ERG: variants seen among roughly 807,000 people sequenced by gnomAD.
ERG encodes transcriptional regulator ERG.
Under a neutral mutation model 55.3 loss-of-function variants are expected in ERG, and 9 were observed. The ratio of observed to expected loss-of-function variants is 0.16; its 90% CI spans 0.10 to 0.28. The LOEUF (loss-of-function observed/expected upper bound fraction) is 0.28, where lower values mean the gene tolerates loss of function less well. Ranked by LOEUF, ERG falls within the 10% of genes least tolerant of loss-of-function variation. ERG has a pLI of 1.00. For synonymous variants in ERG, 223 were observed against 237.3 expected, an observed-to-expected ratio of 0.94 and a Z score of 0.55; for missense variants, 434 against 631.6, an observed-to-expected ratio of 0.69 and a Z score of 3.35.
chr21:38,527,454 G>A (rs997140615), intron 2 of ERG, among the ~76,000 whole-genome samples: 5 of 152,196 alleles, frequency 3.3e-5, no homozygotes, highest in African/African-American at 1.2e-4. Context: ...CTTAGTGAAC[G>A]CTGAGGAATG....
At chr21:38,601,714 T>A (rs554921823) in intron 1 of ERG, among the ~76,000 whole-genome samples, 2 of 152,288 alleles carry the variant, frequency 1.3e-5, no homozygotes, top group African/African-American at 4.8e-5. Context: ...ACTATCTTGA[T>A]TTAAGTAGAG....
intron 3 of ERG, among the ~76,000 whole-genome samples, chr21:38,420,875 C>T (rs1989511737): frequency 6.6e-6 from 1 of 152,116 alleles, no homozygotes; most frequent in Non-Finnish European, 1.5e-5. Flanking sequence ...TGGATTCTCT[C>T]ATCTTTGAGA....
chr21:38,475,344 T>C (rs928233660), intron 1 of ERG, among the ~76,000 whole-genome samples: 1 of 152,112 alleles, frequency 6.6e-6, no homozygotes. Flanking sequence ...TAGCAACCCA[T>C]GACCAAGATG....
intron 3 of ERG, among the ~76,000 whole-genome samples, chr21:38,409,710 A>T (rs1386671688): frequency 6.6e-6 from 1 of 152,174 alleles, no homozygotes; most frequent in Admixed American, 6.5e-5. Flanking sequence ...TGTTTAAGAA[A>T]AAGGGAGAAA....
At chr21:38,474,741 T>G (rs2059171796) in intron 1 of ERG, among the ~76,000 whole-genome samples, 1 of 152,138 alleles carries the variant, frequency 6.6e-6, no homozygotes, top group African/African-American at 2.4e-5. Context: ...ATTTTTTTTT[T>G]TTTGTCTGTT....
At chr21:38,649,391 G>C (rs1046224767) in intron 1 of ERG, among the ~76,000 whole-genome samples, 2 of 152,128 alleles carry the variant, frequency 1.3e-5, no homozygotes, top group Admixed American at 1.3e-4. Flanking sequence ...ACCCTTCCCT[G>C]CGAGCCACAT....
intron 2 of ERG, among the ~76,000 whole-genome samples, chr21:38,545,389 C>G (rs372319096): frequency 6.6e-6 from 1 of 152,172 alleles, no homozygotes; most frequent in Non-Finnish European, 1.5e-5. Flanking sequence ...CCTTTAGCAA[C>G]GTAGGGTTGA....
intron 1 of ERG, among the ~76,000 whole-genome samples, chr21:38,461,270 T>A (rs1024170632): frequency 2.6e-5 from 4 of 152,140 alleles, no homozygotes; most frequent in Admixed American, 2.6e-4. Context: ...CCTCCCTCTA[T>A]GCATGCCTGT....
intron 1 of ERG, among the ~76,000 whole-genome samples, chr21:38,623,057 A>G (rs946541592): frequency 9.4e-6 from 1 of 106,384 alleles, no homozygotes; most frequent in Non-Finnish European, 2.1e-5. Flanking sequence ...ACACACACAC[A>G]TCATACATAA....
Position 38,381,652 on chromosome 21 carries a change from A to G in ERG, c.*1751T>C. On this transcript the variant is annotated 3_prime_UTR_variant, in exon 10 of 10. Coordinates refer to ENST00000288319, the MANE Select transcript of ERG (RefSeq NM_182918.4). The stretch of plus-strand genomic sequence containing the variant: ...TTGCCTTACGAGTGGTAGCTTGTTC[A>G]CTGTTCAACAAATGTATTTTAATCA... The G allele has an allele frequency of 9.4e-7, 1 of 1,063,472 alleles. No homozygotes were observed. Among genetic ancestry groups the G allele is most frequent in the Non-Finnish European group, 1.1e-6 (1 of 878,188 alleles). The allele number at this position is 1,063,472 out of a possible 1,614,324, so 65.9% of individuals were successfully genotyped here.
chr21:38,576,691 C>T (rs892262268), intron 1 of ERG, among the ~76,000 whole-genome samples: 1 of 152,152 alleles, frequency 6.6e-6, no homozygotes, highest in African/African-American at 2.4e-5. Flanking sequence ...CAGATGGGCT[C>T]AGCAGGGTGC....
intron 2 of ERG, among the ~76,000 whole-genome samples, chr21:38,552,271 C>G (rs184122527): frequency 6.6e-6 from 1 of 152,156 alleles, no homozygotes; most frequent in Non-Finnish European, 1.5e-5. Flanking sequence ...AGAGCTACTA[C>G]CAATCCTACT....
At chr21:38,497,889 T>TG (rs1356782450) in intron 1 of ERG, among the ~76,000 whole-genome samples, 1 of 152,198 alleles carries the variant, frequency 6.6e-6, no homozygotes, top group African/African-American at 2.4e-5. Context: ...AGCAGCCACT[T>TG]GCCGAGTATC....
chr21:38,603,179 CCT>C (rs1212908226), intron 1 of ERG, among the ~76,000 whole-genome samples: 2 of 152,000 alleles, frequency 1.3e-5, no homozygotes, highest in African/African-American at 4.8e-5. Flanking sequence ...CCTAAAGACA[CCT>C]CTGCCACATG....
At chr21:38,571,937 C>A (rs1000205541) in intron 2 of ERG, among the ~76,000 whole-genome samples, 53 of 152,302 alleles carry the variant, frequency 3.5e-4, no homozygotes, top group African/African-American at 1.2e-3. Flanking sequence ...AGTGTTAAGC[C>A]ACTTCTGTGG....
At chr21:38,595,607 C>T (rs185233815) in intron 1 of ERG, among the ~76,000 whole-genome samples, 173 of 152,210 alleles carry the variant, frequency 1.1e-3, no homozygotes, top group African/African-American at 2.8e-3. Flanking sequence ...AGAAGCAGGG[C>T]GGGAGCGGTG....
chr21:38,526,488 G>A (rs763424398), intron 2 of ERG, among the ~76,000 whole-genome samples: 1 of 152,164 alleles, frequency 6.6e-6, no homozygotes, highest in African/African-American at 2.4e-5. Flanking sequence ...GATAGAGAAC[G>A]ATACTCATGA....
In ERG at chr21:38,383,567, G is replaced by C. The variant is rs1987547150; in HGVS notation, c.1276C>G (p.Gln426Glu). 1.9e-6 allele frequency: 3 copies of C among 1,600,942 alleles called. No individual in the cohort carries two copies. The highest frequency in any genetic ancestry group is 2.6e-6 in the Non-Finnish European group (3 of 1,170,442). Reference protein sequence around the residue: ...PYMGSYHAHPQKMNFVAPHPP... With the variant: ...PYMGSYHAHPEKMNFVAPHPP... ...TGGGGCGCCACAAAGTTCATCTTCT[G>C]TGGGTGGGCGTGATAGGAGCCCATG... The change falls in exon 10 of 10, where the codon CAG becomes GAG. Residue 426 changes from glutamine (Q) to glutamate (E), a missense_variant. Physicochemically the swap from Gln to Glu is conservative, Grantham distance 29. Coordinates refer to ENST00000288319, the MANE Select transcript of ERG (RefSeq NM_182918.4). This position sits in a 1 kb window ranked among gnomAD's most constrained non-coding sequence, Gnocchi z 5.7.
At chr21:38,436,020 C>CTTTT (rs11384369) in intron 2 of ERG, among the ~76,000 whole-genome samples, 2 of 133,330 alleles carry the variant, frequency 1.5e-5, no homozygotes, top group African/African-American at 5.6e-5. Context: ...TTCTTTTTTT[C>CTTTT]TTTTTTTTTT....
Sources: gnomAD v4.1 joint callset for allele counts (sites outside exome capture counted in the v4.1 genomes callset) on GRCh38, gnomAD v4.1.1 for gene constraint, Gnocchi (gnomAD v3.1) non-coding constraint, MANE v1.5 for transcripts, NCBI Gene and HGNC (gene_info 2026-07-23, HGNC 2026-07-21) for gene names.